Variants in MCC observed in about 807,000 individuals in gnomAD.
MCC encodes colorectal mutant cancer protein.
Under a neutral mutation model 116.2 loss-of-function variants are expected in MCC, and 90 were observed. The observed-to-expected ratio is 0.77, with a 90% CI of 0.65 to 0.92. The LOEUF is 0.92. MCC is among the 40% of genes least tolerant of loss of function. MCC has a pLI of 0.00. For synonymous variants in MCC, 578 were observed against 510.5 expected (o/e 1.13, Z -1.78); for missense variants, 1,516 against 1,312.2 (o/e 1.16, Z -2.40).
At chr5:113,201,401 AAAAAC>A (rs1762673699) in intron 3 of MCC, among the ~76,000 whole-genome samples, 1 of 151,482 alleles carries the variant, frequency 6.6e-6, no homozygotes, top group African/African-American at 2.4e-5. Context: ...AAAAAAAAAA[AAAAAC>A]AAAGAAGAAA....
intron 2 of MCC, among the ~76,000 whole-genome samples, chr5:113,365,815 T>A (rs925472434): frequency 1.3e-5 from 2 of 152,172 alleles, no homozygotes; most frequent in Non-Finnish European, 2.9e-5. Flanking sequence ...GCACTTCATA[T>A]CCAGAAGGAA....
intron 3 of MCC, among the ~76,000 whole-genome samples, chr5:113,187,221 G>T (rs1384798810): frequency 2.6e-5 from 4 of 152,116 alleles, no homozygotes; most frequent in African/African-American, 9.7e-5. Flanking sequence ...CAATTCTTGT[G>T]CCCCAGCCTC....
chr5:113,053,250 G>A (rs774164877), intron 15 of MCC, among the ~76,000 whole-genome samples: 3 of 152,114 alleles, frequency 2.0e-5, no homozygotes, highest in Non-Finnish European at 4.4e-5. Context: ...TTCACTGGAG[G>A]GCACTATGGT....
intron 3 of MCC, among the ~76,000 whole-genome samples, chr5:113,310,219 A>G (rs143731999): frequency 2.1e-3 from 315 of 152,336 alleles, no homozygotes; most frequent in African/African-American, 4.3e-3. Flanking sequence ...CTCATAAATG[A>G]GATTAATACC....
chr5:113,091,323 A>T (rs997704883), intron 8 of MCC, among the ~76,000 whole-genome samples: 1 of 152,156 alleles, frequency 6.6e-6, no homozygotes, highest in Admixed American at 6.5e-5. Flanking sequence ...ATCAAGAGAG[A>T]ACAGGAGACT....
intron 3 of MCC, among the ~76,000 whole-genome samples, chr5:113,322,602 C>A (rs1467759321): frequency 6.6e-6 from 1 of 152,162 alleles, no homozygotes; most frequent in Non-Finnish European, 1.5e-5. Flanking sequence ...AAGTCAACAT[C>A]AACCAGTAAT....
At chr5:113,387,248 G>A (rs1048715237) in intron 1 of MCC, among the ~76,000 whole-genome samples, 2 of 152,108 alleles carry the variant, frequency 1.3e-5, no homozygotes, top group African/African-American at 4.8e-5. Flanking sequence ...AGTTCTTATT[G>A]TTCATGCAAA....
intron 1 of MCC, 61 bp from the exon 2 acceptor site, chr5:113,385,273 G>A: frequency 6.6e-7 from 1 of 1,513,630 alleles, no homozygotes. Context: ...TAGAGAAACT[G>A]GTTAATGAAA....
chr5:113,384,871 G>T, intron 2 of MCC, 97 bp downstream of exon 2: 1 of 1,428,940 alleles, frequency 7.0e-7, no homozygotes, highest in Non-Finnish European at 9.7e-7. Flanking sequence ...TATGAGCTGA[G>T]GCTGTGGCCT....
chr5:113,358,175 G>A (rs1768460053), intron 2 of MCC, among the ~76,000 whole-genome samples: 1 of 152,180 alleles, frequency 6.6e-6, no homozygotes, highest in African/African-American at 2.4e-5. Flanking sequence ...TCATGTCAGA[G>A]CCAAAGTTAC....
At chr5:113,149,015 T>C (rs1269882998) in intron 4 of MCC, among the ~76,000 whole-genome samples, 1 of 152,214 alleles carries the variant, frequency 6.6e-6, no homozygotes, top group Admixed American at 6.5e-5. Flanking sequence ...AAGCTGTCTT[T>C]GTAGGCTTAA....
chr5:113,326,216 G>A (rs530910986), intron 3 of MCC, among the ~76,000 whole-genome samples: 1 of 152,272 alleles, frequency 6.6e-6, no homozygotes, highest in East Asian at 1.9e-4. Flanking sequence ...CCTGGTTAAA[G>A]GTTATTTCCG....
intron 10 of MCC, among the ~76,000 whole-genome samples, chr5:113,083,534 A>G (rs1755003388): frequency 6.6e-6 from 1 of 152,204 alleles, no homozygotes. Context: ...TGGCTCTCTA[A>G]GCCTCATCCC....
At chr5:113,392,391 T>A (rs1769423476) in intron 1 of MCC, among the ~76,000 whole-genome samples, 1 of 152,108 alleles carries the variant, frequency 6.6e-6, no homozygotes, top group Admixed American at 6.6e-5. Context: ...CATTTTAGTA[T>A]CTAATGGATT....
intron 3 of MCC, among the ~76,000 whole-genome samples, chr5:113,264,050 A>G (rs1418904643): frequency 6.6e-6 from 1 of 152,128 alleles, no homozygotes; most frequent in African/African-American, 2.4e-5. Flanking sequence ...TGGGAATGAA[A>G]AGAGGCACTT....
At chr5:113,220,719 T>C (rs1048683741) in intron 3 of MCC, among the ~76,000 whole-genome samples, 1 of 152,236 alleles carries the variant, frequency 6.6e-6, no homozygotes, top group Non-Finnish European at 1.5e-5. Context: ...ACAGTTTTCT[T>C]TGTAGATACC....
chr5:113,165,756 C>A (rs2150300220), intron 3 of MCC, among the ~76,000 whole-genome samples: 2 of 152,208 alleles, frequency 1.3e-5, no homozygotes, highest in South Asian at 4.2e-4. Flanking sequence ...CTGTAACCAC[C>A]CAAAAAATCC....
chr5:113,336,063 G>A (rs1287093445), intron 3 of MCC, among the ~76,000 whole-genome samples: 1 of 151,570 alleles, frequency 6.6e-6, no homozygotes, highest in African/African-American at 2.4e-5. Context: ...TGGTGAAAGA[G>A]TGCAAGGGCA....
intron 11 of MCC, among the ~76,000 whole-genome samples, chr5:113,077,622 A>C (rs978247622): frequency 3.3e-5 from 5 of 152,194 alleles, no homozygotes; most frequent in African/African-American, 4.8e-5. Context: ...AACAAAGACA[A>C]AACATACAAG....
Sources: gnomAD v4.1 joint callset for allele counts (sites outside exome capture counted in the v4.1 genomes callset) on GRCh38, gnomAD v4.1.1 for gene constraint, MANE v1.5 for transcripts, NCBI Gene and HGNC (gene_info 2026-07-23, HGNC 2026-07-21) for gene names.